SAGE1: variants seen among roughly 807,000 people sequenced by gnomAD.
The protein encoded by SAGE1 is sarcoma antigen 1.
In SAGE1, 55 loss-of-function variants were observed where a neutral mutation model predicts 55.4. The observed-to-expected ratio is 0.99, with a 90% confidence interval of 0.80 to 1.24. The LOEUF (loss-of-function observed/expected upper bound fraction) is 1.24, where lower values mean the gene tolerates loss of function less well. SAGE1 is among the 50% of genes most tolerant of loss of function. SAGE1 has a pLI of 0.00. For missense variants in SAGE1, 710 were observed against 704.4 expected (o/e 1.01, Z -0.09); for synonymous variants, 240 against 244.3 (o/e 0.98, Z 0.17).
At chrX:135,900,627 A>G (rs2088658565) in intron 2 of SAGE1, among the ~76,000 whole-genome samples, 1 of 110,766 alleles carries the variant, frequency 9.0e-6, no homozygotes, top group South Asian at 3.9e-4. Context: ...CTTTGATGAA[A>G]ACAGCTTTTA....
intron 4 of SAGE1, among the ~76,000 whole-genome samples, chrX:135,904,875 A>C (rs1367392498): frequency 9.0e-6 from 1 of 111,538 alleles, no homozygotes; most frequent in East Asian, 2.8e-4. Flanking sequence ...CGCTACTGTC[A>C]ATCACAGTGT....
At position 135,903,652 on chromosome X, in the gene SAGE1, T is replaced by A. The variant is rs1436864479; in HGVS notation, c.221-825T>A. Reference sequence around the variant, plus strand: ...TGTTCAACTCCAATAGCCACGTGTATTTTCTCAGAGTATTTGGGGTAGAAA... The same window carrying A: ...TGTTCAACTCCAATAGCCACGTGTAATTTCTCAGAGTATTTGGGGTAGAAA... On this transcript the variant is annotated intron_variant, in intron 3 of 19. Coordinates refer to ENST00000370709, the MANE Select transcript of SAGE1 (RefSeq NM_001381902.1). 3.6e-5 allele frequency among the ~76,000 whole-genome samples: 4 copies of A among 112,297 alleles called. No individual in the cohort carries two copies. The Admixed American group carries it at 3.8e-4, about 11-fold the overall frequency.
chrX:135,904,366 T>C, intron 3 of SAGE1, 111 bp from the exon 4 acceptor site: 2 of 519,835 alleles, frequency 3.8e-6, no homozygotes, highest in Admixed American at 6.0e-5. Flanking sequence ...ACCTGGTATA[T>C]CCTTCTTCTT....
intron 4 of SAGE1, 117 bp from the exon 5 acceptor site, chrX:135,905,135 G>A: frequency 1.5e-6 from 1 of 674,103 alleles, no homozygotes; most frequent in Non-Finnish European, 2.2e-6. Context: ...ATCATTATAT[G>A]ATGTATTCTC....
chrX:135,901,519 G>T, intron 2 of SAGE1, 40 bp from the exon 3 acceptor site: 1 of 1,185,468 alleles, frequency 8.4e-7, no homozygotes, highest in Non-Finnish European at 1.1e-6. Context: ...GCAGTGGTTG[G>T]ATTTGTCTTT....
Position 135,911,350 on chromosome X carries a change from T to C in SAGE1, c.2146+18T>C. On this transcript the variant is annotated intron_variant, in intron 17 of 19. Transcript: ENST00000370709. ...GGATCTGTGTATGTTTGTGTATTGG[T>C]TGTACTGTCCTACTTGGTTTCCATA... The C allele has an allele frequency of 8.3e-7, 1 of 1,200,547 alleles. No individual in the cohort carries two copies.
At chrX:135,901,418 G>C in intron 2 of SAGE1, 141 bp from the exon 3 acceptor site, 1 of 593,743 alleles carries the variant, frequency 1.7e-6, no homozygotes. Context: ...CATCGTGTAT[G>C]TTCAGGGATG....
At chrX:135,910,617 A>G in intron 16 of SAGE1, 62 bp downstream of exon 16, 1 of 1,057,769 alleles carries the variant, frequency 9.5e-7, no homozygotes, top group South Asian at 2.0e-5. Flanking sequence ...TATTTTCATG[A>G]ATGGTAGAAG....
In SAGE1 at chrX:135,909,640, T is replaced by A. The variant is rs1349272689; in HGVS notation, c.1584T>A (p.Tyr528Ter). 1 of 1,198,645 alleles carries A rather than the reference T, an allele frequency of 8.3e-7. No homozygotes were observed. The highest frequency in any genetic ancestry group is 1.1e-6 in the Non-Finnish European group (1 of 889,804). Residue 528 changes from tyrosine to a stop codon, truncating the protein, a stop_gained and splice_region_variant, in exon 14 of 20, where the codon TAT becomes TAA. Coordinates refer to ENST00000370709, the MANE Select transcript of SAGE1 (RefSeq NM_001381902.1). LOFTEE classifies it high-confidence loss of function. ...TCAACCTCTTTATTTGGTTTCCAGA[T>A]GCTACCGTCACTCAAAATGTCCATG... ...GIPSMSTKDL[Y>*]ATVTQNVHEE... is the part of the protein sequence containing the mutation.
intron 1 of SAGE1, 126 bp from the exon 2 acceptor site, chrX:135,896,117 A>T: frequency 2.1e-6 from 1 of 481,573 alleles, no homozygotes; most frequent in Non-Finnish European, 3.8e-6. Flanking sequence ...ACAATCTGTG[A>T]TCATGTACTC....
intron 15 of SAGE1, 44 bp from the exon 16 acceptor site, chrX:135,910,371 C>T: frequency 8.4e-7 from 1 of 1,196,326 alleles, no homozygotes; most frequent in Non-Finnish European, 1.1e-6. Flanking sequence ...GTGCGGTTGA[C>T]ATAATGCACT....
In SAGE1 at chrX:135,904,549, C is replaced by G. The variant is rs782340849; in HGVS notation, c.293C>G (p.Ser98Ter). 22 of 1,191,517 alleles carry G rather than the reference C, an allele frequency of 1.8e-5. No homozygotes were observed. The South Asian group carries it at 3.2e-4, about 17-fold the overall frequency. The part of the protein sequence containing the change: ...NGQPVADNVL[S>*]TAPPWPDATI... Reference sequence around the variant, plus strand: ...CAACCAGTAGCTGATAATGTCTTGTCAACTGCTCCACCATGGCCTGGTAAT... The same window carrying G: ...CAACCAGTAGCTGATAATGTCTTGTGAACTGCTCCACCATGGCCTGGTAAT... The change falls in exon 4 of 20, where the codon TCA becomes TGA. Residue 98 changes from serine to a stop codon, truncating the protein, a stop_gained. Coordinates refer to ENST00000370709, the MANE Select transcript of SAGE1 (RefSeq NM_001381902.1). LOFTEE classifies it high-confidence loss of function.
Position 135,912,976 on chromosome X carries a change from A to C in SAGE1, c.*79A>C. 1.6e-6 allele frequency: 1 copy of C among 622,466 alleles called. No homozygotes were observed. The highest frequency in any genetic ancestry group is 2.5e-6 in the Non-Finnish European group (1 of 400,470). 51.3% of individuals were successfully genotyped at this position (622,466 alleles called of 1,213,427 possible). A position where few individuals can be genotyped will look rare whatever the true frequency, so the allele number is the denominator to read the frequency against. ...CAGGTTATTGCTGAAGCTCCCTATA[A>C]TCCTGAAATGAAGAGAATTCCCTTC... is the stretch of plus-strand genomic sequence containing the variant. On this transcript the variant is annotated 3_prime_UTR_variant, in exon 20 of 20. Coordinates refer to ENST00000370709, the MANE Select transcript of SAGE1 (RefSeq NM_001381902.1).
intron 1 of SAGE1, among the ~76,000 whole-genome samples, chrX:135,894,393 T>C (rs1252031418): frequency 8.9e-6 from 1 of 112,913 alleles, no homozygotes; most frequent in African/African-American, 3.2e-5. Context: ...GAGTCGGTAA[T>C]TTGTCTTCCA....
chrX:135,909,053 G>T, intron 13 of SAGE1, 49 bp downstream of exon 13: 3 of 1,097,252 alleles, frequency 2.7e-6, no homozygotes, highest in Non-Finnish European at 3.7e-6. Context: ...ACATATGCAT[G>T]CATATTTTCA....
Position 135,911,321 on chromosome X carries a change from C to A in SAGE1, c.2135C>A (p.Thr712Asn). The A allele has an allele frequency of 8.3e-7, 1 of 1,208,854 alleles. No homozygotes were observed. Among genetic ancestry groups the A allele is most frequent in the Non-Finnish European group, 1.1e-6 (1 of 893,587 alleles). ...GGAGCTGGTATTTCATGCAGAAGTA[C>A]CAGGGATCTGTGTATGTTTGTGTAT... Reference protein sequence around the residue: ...LSGAGISCRSTRDLYATVIHD... With the variant: ...LSGAGISCRSNRDLYATVIHD... Residue 712 changes from threonine (T) to asparagine (N), a missense_variant, in exon 17 of 20, where the codon ACC (threonine) becomes AAC (asparagine). Coordinates refer to ENST00000370709, the MANE Select transcript of SAGE1 (RefSeq NM_001381902.1).
At chrX:135,901,729 A>G in intron 3 of SAGE1, 38 bp downstream of exon 3, 8 of 1,160,632 alleles carry the variant, frequency 6.9e-6, no homozygotes, top group Admixed American at 2.3e-5. Flanking sequence ...CAACCATGTC[A>G]AAGGACATTT....
At chrX:135,903,573 A>T (rs1328723943) in intron 3 of SAGE1, among the ~76,000 whole-genome samples, 2 of 112,505 alleles carry the variant, frequency 1.8e-5, no homozygotes, top group Admixed American at 1.9e-4. Flanking sequence ...AAAGGGAAGG[A>T]TCTGTAGAAT....
In SAGE1 at chrX:135,907,024, G is replaced by A. The variant is rs782556418; in HGVS notation, c.835G>A (p.Val279Met). 6 of 1,210,032 alleles carry A rather than the reference G, an allele frequency of 5.0e-6. No homozygotes were observed. Among genetic ancestry groups the A allele is most frequent in the Non-Finnish European group, 6.7e-6 (6 of 894,208 alleles). ...LSTASTGLIN[V>M]AGAGTPAIST... ...AACTGCTTCAACAGGGCTTATTAAT[G>A]TGGCAGGAGCTGGTACTCCAGCCAT... The change falls in exon 8 of 20, where the codon GTG becomes ATG. Residue 279 changes from valine to methionine, a missense_variant. Transcript: ENST00000370709.
Sources: gnomAD v4.1 joint callset for allele counts (sites outside exome capture counted in the v4.1 genomes callset) on GRCh38, gnomAD v4.1.1 for gene constraint, MANE v1.5 for transcripts, NCBI Gene and HGNC (gene_info 2026-07-23, HGNC 2026-07-21) for gene names.